The following PVR variants were observed in gnomAD, a reference collection of about 807,000 sequenced individuals.
The protein encoded by PVR is PVR cell adhesion molecule, also known as poliovirus receptor.
PVR carries 39 observed loss-of-function variants against 43.3 expected under a neutral mutation model. The ratio of observed to expected loss-of-function variants is 0.90; its 90% CI spans 0.70 to 1.18. The LOEUF (loss-of-function observed/expected upper bound fraction) is 1.18. Among genes scored for constraint, PVR ranks in the 50% most tolerant of loss-of-function variants. The probability of loss-of-function intolerance (pLI) is 0.00; values close to 1 mark genes in which losing one functional copy is unlikely to be tolerated. For missense variants in PVR, 480 were observed against 549.7 expected, an observed-to-expected ratio of 0.87 and a Z score of 1.27; for synonymous variants, 224 against 233.2, an observed-to-expected ratio of 0.96 and a Z score of 0.36.
chr19:44,654,786 T>G (rs1218918258), intron 4 of PVR, among the ~76,000 whole-genome samples: 1 of 152,234 alleles, frequency 6.6e-6, no homozygotes, highest in Non-Finnish European at 1.5e-5. Context: ...TGTTAGTGTA[T>G]TTTATGTATG....
chr19:44,644,161 C>T lies in PVR; in HGVS notation c.65C>T (p.Pro22Leu), dbSNP rs747243233. 5 of 1,510,170 alleles carry T rather than the reference C, an allele frequency of 3.3e-6. No individual in the cohort carries two copies. The highest frequency in any genetic ancestry group is 1.7e-4 in the Middle Eastern group (1 of 5,764). 93.5% of individuals were successfully genotyped at this position (1,510,170 alleles called of 1,614,324 possible). A position where few individuals can be genotyped will look rare whatever the true frequency, so the allele number is the denominator to read the frequency against. The part of the protein sequence containing the change: ...LLVALLVLSW[P>L]PPGTGDVVVQ... The stretch of plus-strand genomic sequence containing the variant: ...GTGGCGCTACTGGTGCTGTCCTGGC[C>T]ACCCCCAGGAACCGGTGAGTGACCC... Residue 22 changes from proline (P) to leucine (L), a missense_variant, in exon 1 of 8, where the codon CCA becomes CTA. Transcript: ENST00000425690.
chr19:44,645,851 T>C (rs557935621), intron 1 of PVR, among the ~76,000 whole-genome samples: 16 of 152,196 alleles, frequency 1.1e-4, no homozygotes, highest in African/African-American at 3.6e-4. Flanking sequence ...CATAGGACCA[T>C]GTTTATTAGT....
Position 44,657,897 on chromosome 19 carries a change from C to A in PVR, c.978C>A (p.Thr326=), listed in dbSNP as rs143934936. The A allele has an allele frequency of 6.1e-5, 98 of 1,613,474 alleles. No homozygotes were observed. In the Middle Eastern group the frequency reaches 8.2e-4, roughly 14 times the overall value. The part of the protein sequence containing the change: ...NALGARQAEL[T]VQVKEGPPSE... ...TAGGAGCTCGCCAGGCAGAACTGAC[C>A]GTCCAGGTCAAAGGTGAGGAACTCC... The change falls in exon 5 of 8, where the codon ACC becomes ACA. Residue 326 remains threonine (T), a synonymous_variant. Transcript: ENST00000425690.
chr19:44,657,672 T>A (rs1441228748), intron 4 of PVR, 90 bp from the exon 5 acceptor site: 2 of 1,378,192 alleles, frequency 1.5e-6, no homozygotes, highest in African/African-American at 2.9e-5. Context: ...ATAGAGGGCG[T>A]GAGGGTTTCT....
chr19:44,658,000 C>A, intron 5 of PVR, 90 bp downstream of exon 5: 3 of 1,375,706 alleles, frequency 2.2e-6, no homozygotes, highest in Non-Finnish European at 2.0e-6. Context: ...TCCCATCCTT[C>A]TCCTAAGCCT....
intron 2 of PVR, among the ~76,000 whole-genome samples, chr19:44,648,581 G>A (rs1444216870): frequency 6.6e-6 from 1 of 151,980 alleles, no homozygotes; most frequent in Admixed American, 6.6e-5. Flanking sequence ...GGAACTCCTG[G>A]GCTCAAGGGA....
intron 2 of PVR, among the ~76,000 whole-genome samples, chr19:44,648,520 G>A (rs1245354622): frequency 6.7e-6 from 1 of 150,312 alleles, no homozygotes; most frequent in Non-Finnish European, 1.5e-5. Flanking sequence ...TAGTTCTGTC[G>A]CCCAGGCTGG....
rs544311749 is a variant in PVR at position 44,644,420 on chromosome 19, C to G, written c.79+245C>G. Among the ~76,000 whole-genome samples, 6 of 152,254 alleles carry G rather than the reference C, an allele frequency of 3.9e-5. No individual in the cohort carries two copies. The East Asian group carries it at 9.7e-4, about 25-fold the overall frequency. On this transcript the variant is annotated intron_variant, in intron 1 of 7. Coordinates refer to ENST00000425690, the MANE Select transcript of PVR (RefSeq NM_006505.5). ...CCTCGAAATTGGCAGCAACACGGGT[C>G]GGGCACAAGACCCTCCTCTGGGCCC...
At chr19:44,654,394 AGAG>A (rs1973379952) in intron 4 of PVR, among the ~76,000 whole-genome samples, 1 of 152,228 alleles carries the variant, frequency 6.6e-6, no homozygotes, top group Admixed American at 6.5e-5. Context: ...AAAGAGAAAA[AGAG>A]GAGGTTGACT....
In PVR at chr19:44,649,936, G is replaced by A; in HGVS notation, c.555G>A (p.Gly185=). 1 of 1,612,378 alleles carries A rather than the reference G, an allele frequency of 6.2e-7. No individual in the cohort carries two copies. The highest frequency in any genetic ancestry group is 1.3e-5 in the African/African-American group (1 of 75,036). ...TCACCTGGCACTCAGACCTGGGCGG[G>A]ATGCCCAATACGAGCCAGGTGCCAG... is the stretch of plus-strand genomic sequence containing the variant. ...AQITWHSDLG[G]MPNTSQVPGF... The change falls in exon 3 of 8, where the codon GGG becomes GGA. Residue 185 remains glycine (G), a synonymous_variant. Transcript: ENST00000425690.
intron 1 of PVR, 118 bp from the exon 2 acceptor site, chr19:44,647,105 C>A: frequency 1.6e-6 from 1 of 632,410 alleles, no homozygotes; most frequent in African/African-American, 1.9e-5. Context: ...CCACGGTCCA[C>A]CGGGGATCCA....
intron 4 of PVR, among the ~76,000 whole-genome samples, 191 bp from the exon 5 acceptor site, chr19:44,657,571 C>T (rs1480266956): frequency 3.3e-5 from 5 of 152,116 alleles, no homozygotes; most frequent in South Asian, 2.1e-4. Flanking sequence ...GATCTTAAGG[C>T]GGGGCCGACA....
At position 44,664,721 on chromosome 19, in the gene PVR, T is replaced by A. The variant is rs1011031696; in HGVS notation, c.*2910T>A. ...CTGTCATTTATTTTACTTTTTTTTT[T>A]TTTTATTTTAGAGAAAGGAATCTTG... On this transcript the variant is annotated 3_prime_UTR_variant, in exon 8 of 8. Transcript: ENST00000425690. 4 of 151,834 alleles carry A rather than the reference T, an allele frequency of 2.6e-5. No individual in the cohort carries two copies. The highest frequency in any genetic ancestry group is 5.9e-5 in the Non-Finnish European group (4 of 67,990). The allele number at this position is 151,834 out of a possible 1,614,324, so 9.4% of individuals were successfully genotyped here.
intron 3 of PVR, among the ~76,000 whole-genome samples, chr19:44,652,678 G>A (rs1194555266): frequency 2.0e-5 from 3 of 151,638 alleles, no homozygotes; most frequent in Non-Finnish European, 2.9e-5. Flanking sequence ...CACCGCACCC[G>A]GCCTATTTTT....
chr19:44,656,353 A>G (rs962549712), intron 4 of PVR, among the ~76,000 whole-genome samples: 1 of 152,142 alleles, frequency 6.6e-6, no homozygotes, highest in Non-Finnish European at 1.5e-5. Context: ...AAGGTTTTCA[A>G]CTGGTGTGAT....
At chr19:44,653,317 A>G (rs1248252442) in intron 3 of PVR, among the ~76,000 whole-genome samples, 1 of 151,890 alleles carries the variant, frequency 6.6e-6, no homozygotes, top group Non-Finnish European at 1.5e-5. Flanking sequence ...CCGCCAGGCA[A>G]TTGGTACACA....
chr19:44,644,100 G>C lies in PVR; in HGVS notation c.4G>C (p.Ala2Pro), dbSNP rs1599754078. M[A>P]RAMAAAWPLL... ...CCAGCTGCTCGGAGCAACTGGCATGGCCCGAGCCATGGCCGCCGCGTGGCC... is the reference window on the plus strand; with the variant it reads ...CCAGCTGCTCGGAGCAACTGGCATGCCCCGAGCCATGGCCGCCGCGTGGCC... The change falls in exon 1 of 8, where the codon GCC (alanine) becomes CCC (proline). Residue 2 changes from alanine (A) to proline (P), a missense_variant. Ala to Pro is a conservative substitution (Grantham distance 27, BLOSUM62 -1). Transcript: ENST00000425690. The C allele has an allele frequency of 6.6e-7, 1 of 1,516,662 alleles. No individual in the cohort carries two copies. Among genetic ancestry groups the C allele is most frequent in the Admixed American group, 2.0e-5 (1 of 49,400 alleles). 94.0% of individuals were successfully genotyped at this position (1,516,662 alleles called of 1,614,324 possible).
intron 2 of PVR, 106 bp downstream of exon 2, chr19:44,647,676 C>G (rs1439273621): frequency 1.2e-6 from 1 of 843,946 alleles, no homozygotes; most frequent in African/African-American, 1.8e-5. Flanking sequence ...GAGATTCCCT[C>G]CACAGCAGAT....
intron 6 of PVR, 53 bp from the exon 7 acceptor site, chr19:44,661,239 C>G: frequency 6.5e-7 from 1 of 1,545,734 alleles, no homozygotes; most frequent in Middle Eastern, 1.7e-4. Flanking sequence ...TGTCTTCTTC[C>G]CATGCTTCCC....
Sources: allele counts gnomAD v4.1 joint callset (sites outside exome capture counted in the v4.1 genomes callset), GRCh38; gene constraint gnomAD v4.1.1; transcripts MANE v1.5; gene names NCBI Gene and HGNC (gene_info 2026-07-23, HGNC 2026-07-21).